The following EN2 variants were observed in gnomAD, a reference collection of about 807,000 sequenced individuals.
The protein encoded by EN2 is engrailed homeobox 2.
Under a neutral mutation model 25.0 loss-of-function variants are expected in EN2, and 7 were observed. That is an observed-to-expected ratio of 0.28 (90% confidence interval 0.16 to 0.53). The LOEUF (loss-of-function observed/expected upper bound fraction) is 0.53, where lower values mean the gene tolerates loss of function less well. EN2 is among the 20% of genes least tolerant of loss of function. The probability of loss-of-function intolerance (pLI) is 0.96; values close to 1 mark genes in which losing one functional copy is unlikely to be tolerated. For missense variants in EN2, 524 were observed against 501.8 expected, an observed-to-expected ratio of 1.04 and a Z score of -0.42; for synonymous variants, 277 against 243.3, an observed-to-expected ratio of 1.14 and a Z score of -1.29.
At position 155,458,583 on chromosome 7, in the gene EN2, T is replaced by C; in HGVS notation, c.206T>C (p.Phe69Ser). The change falls in exon 1 of 2, where the codon TTC (phenylalanine) becomes TCC (serine). Residue 69 changes from phenylalanine to serine, a missense_variant. Transcript: ENST00000297375. Reference sequence around the variant, plus strand: ...CAGCACCCGCACCGCATCACCAACTTCTTCATCGACAACATCCTGCGGCCC... The same window carrying C: ...CAGCACCCGCACCGCATCACCAACTCCTTCATCGACAACATCCTGCGGCCC... ...NHQHPHRITN[F>S]FIDNILRPEF... 6.8e-7 allele frequency: 1 copy of C among 1,476,198 alleles called. No homozygotes were observed. The highest frequency in any genetic ancestry group is 9.0e-7 in the Non-Finnish European group (1 of 1,110,882). 91.4% of individuals were successfully genotyped at this position (1,476,198 alleles called of 1,614,324 possible). A position where few individuals can be genotyped will look rare whatever the true frequency, so the allele number is the denominator to read the frequency against.
chr7:155,463,664 G>T lies in EN2; in HGVS notation c.*977G>T, dbSNP rs1426991721. On this transcript the variant is annotated 3_prime_UTR_variant, in exon 2 of 2. Transcript: ENST00000297375. ...ATGCAGAAGCGCTTCGAGGTTCTGGGGCTAAAGGCCTGGGGTGTGTGGCCT... is the reference window on the plus strand; with the variant it reads ...ATGCAGAAGCGCTTCGAGGTTCTGGTGCTAAAGGCCTGGGGTGTGTGGCCT... 1 of 152,222 alleles carries T rather than the reference G, an allele frequency of 6.6e-6. No individual in the cohort carries two copies. Among genetic ancestry groups the T allele is most frequent in the African/African-American group, 2.4e-5 (1 of 41,430 alleles). 9.4% of individuals were successfully genotyped at this position (152,222 alleles called of 1,614,324 possible).
At chr7:155,462,334 G>A (rs1795705907) in intron 1 of EN2, 37 bp from the exon 2 acceptor site, 9 of 1,568,600 alleles carry the variant, frequency 5.7e-6, no homozygotes, top group Non-Finnish European at 7.8e-6. Context: ...ACACCTCTGG[G>A]TAACCTGACT....
intron 1 of EN2, among the ~76,000 whole-genome samples, chr7:155,461,986 C>A (rs558172337): frequency 2.0e-5 from 3 of 152,344 alleles, no homozygotes; most frequent in Admixed American, 2.0e-4. Context: ...CTCCTCCCCT[C>A]TCTCTCAGCA....
At position 155,460,054 on chromosome 7, in the gene EN2, G is replaced by A. The variant is rs115388397; in HGVS notation, c.685+992G>A. Among the ~76,000 whole-genome samples, 537 of 152,294 alleles carry A rather than the reference G, an allele frequency of 3.5e-3. 2 individuals are homozygous for A. Among genetic ancestry groups the A allele is most frequent in the African/African-American group, 0.012 (501 of 41,566 alleles). ...GCCCCCAAACCCTCAACTATTTTGC[G>A]GGGGTCATTTGCCCAGATCACAGCA... On this transcript the variant is annotated intron_variant, in intron 1 of 1. Transcript: ENST00000297375.
Position 155,462,959 on chromosome 7 carries a change from G to T in EN2, c.*272G>T. 1 of 312,070 alleles carries T rather than the reference G, an allele frequency of 3.2e-6. No homozygotes were observed. The highest frequency in any genetic ancestry group is 9.0e-5 in the South Asian group (1 of 11,082). 19.3% of individuals were successfully genotyped at this position (312,070 alleles called of 1,614,324 possible). ...TTTTTTGCGAAGGGGGCTGCTTAGGGTTTCACCTTTTTTTAATCCCCTAAG... is the reference window on the plus strand; with the variant it reads ...TTTTTTGCGAAGGGGGCTGCTTAGGTTTTCACCTTTTTTTAATCCCCTAAG... On this transcript the variant is annotated 3_prime_UTR_variant, in exon 2 of 2. Coordinates refer to ENST00000297375, the MANE Select transcript of EN2 (RefSeq NM_001427.4).
chr7:155,460,742 C>A (rs921183836), intron 1 of EN2, among the ~76,000 whole-genome samples: 25 of 152,108 alleles, frequency 1.6e-4, no homozygotes, highest in African/African-American at 5.6e-4. Context: ...GAGGGCCAAC[C>A]CCATCTCCAA....
chr7:155,462,139 G>T lies in EN2; in HGVS notation c.686-232G>T, dbSNP rs577914491. On this transcript the variant is annotated intron_variant, in intron 1 of 1. Coordinates refer to ENST00000297375, the MANE Select transcript of EN2 (RefSeq NM_001427.4). The stretch of plus-strand genomic sequence containing the variant: ...TCATTTGTGGTCAGCCTGCCCACTA[G>T]GCCTGCCCCATAGTCCCACTTACAT... 5.1e-4 allele frequency among the ~76,000 whole-genome samples: 78 copies of T among 152,292 alleles called. 1 individual carries two copies. Among genetic ancestry groups the T allele is most frequent in the Non-Finnish European group, 9.0e-4 (61 of 68,012 alleles).
Position 155,462,471 on chromosome 7 carries a change from G to A in EN2, c.786G>A (p.Glu262=). ...TAEQLQRLKA[E]FQTNRYLTEQ... The stretch of plus-strand genomic sequence containing the variant: ...AGCAGCTGCAGAGGCTCAAGGCCGA[G>A]TTCCAGACCAACAGGTACCTGACGG... The change falls in exon 2 of 2, where the codon GAG becomes GAA. Residue 262 remains glutamate, a synonymous_variant. Transcript: ENST00000297375. 1 of 1,614,218 alleles carries A rather than the reference G, an allele frequency of 6.2e-7. No individual in the cohort carries two copies. The highest frequency in any genetic ancestry group is 8.5e-7 in the Non-Finnish European group (1 of 1,180,052).
intron 1 of EN2, among the ~76,000 whole-genome samples, chr7:155,459,979 C>T (rs1235169881): frequency 1.3e-5 from 2 of 152,218 alleles, no homozygotes; most frequent in Admixed American, 1.3e-4. Context: ...GGCTGGGAAC[C>T]GCCATTAGAA....
At chr7:155,460,232 G>A (rs1795679250) in intron 1 of EN2, among the ~76,000 whole-genome samples, 2 of 152,194 alleles carry the variant, frequency 1.3e-5, no homozygotes, top group African/African-American at 2.4e-5. Context: ...TCACAATGCC[G>A]GGCGAGGAGA....
intron 1 of EN2, among the ~76,000 whole-genome samples, chr7:155,461,463 G>A (rs2116602311): frequency 6.6e-6 from 1 of 152,326 alleles, no homozygotes; most frequent in South Asian, 2.1e-4. Context: ...AAAACCTGGG[G>A]CAGGTCCACA....
intron 1 of EN2, among the ~76,000 whole-genome samples, chr7:155,461,715 C>A (rs1795698728): frequency 6.6e-6 from 1 of 152,150 alleles, no homozygotes; most frequent in Non-Finnish European, 1.5e-5. Context: ...TAGCTCAGTG[C>A]CCCTCCCCAC....
chr7:155,458,722 G>A lies in EN2; in HGVS notation c.345G>A (p.Ala115=). The change falls in exon 1 of 2, where the codon GCG becomes GCA. Residue 115 remains alanine (A), a synonymous_variant. Transcript: ENST00000297375. ...GASGAEGGGG[A]GGSEQLLGSG... ...GCGGTGCGGAGGGAGGCGGCGGCGC[G>A]GGCGGCTCGGAGCAGCTCTTGGGCT... The A allele has an allele frequency of 7.5e-7, 1 of 1,329,408 alleles. No homozygotes were observed. Among genetic ancestry groups the A allele is most frequent in the Non-Finnish European group, 9.6e-7 (1 of 1,046,566 alleles). The allele number at this position is 1,329,408 out of a possible 1,614,324, so 82.4% of individuals were successfully genotyped here. A position where few individuals can be genotyped will look rare whatever the true frequency, so the allele number is the denominator to read the frequency against.
At chr7:155,460,874 A>G (rs1473544091) in intron 1 of EN2, among the ~76,000 whole-genome samples, 2 of 152,198 alleles carry the variant, frequency 1.3e-5, no homozygotes, top group Admixed American at 6.5e-5. Context: ...GTGTGCTCTC[A>G]TGGGTGGTGA....
intron 1 of EN2, 118 bp downstream of exon 1, chr7:155,459,180 C>A (rs1234207739): frequency 7.2e-6 from 8 of 1,116,552 alleles, no homozygotes; most frequent in Middle Eastern, 2.8e-4. Flanking sequence ...CCCGCGCACA[C>A]GCACAAAGAC....
chr7:155,460,998 A>C (rs1488584079), intron 1 of EN2, among the ~76,000 whole-genome samples: 1 of 152,166 alleles, frequency 6.6e-6, no homozygotes, highest in African/African-American at 2.4e-5. Flanking sequence ...CTTGGCCATG[A>C]GGGAGTGCTT....
In EN2 at chr7:155,458,184, G is replaced by T; in HGVS notation, c.-194G>T. The T allele has an allele frequency of 1.6e-6, 1 of 612,918 alleles. No individual in the cohort carries two copies. Among genetic ancestry groups the T allele is most frequent in the South Asian group, 9.0e-5 (1 of 11,136 alleles). The allele number at this position is 612,918 out of a possible 1,614,324, so 38.0% of individuals were successfully genotyped here. ...CGTGGTGTTTCTAACCCAGTTCGTGGATTCAAAGGTGGCTCCGCGCCGAGC... is the reference window on the plus strand; with the variant it reads ...CGTGGTGTTTCTAACCCAGTTCGTGTATTCAAAGGTGGCTCCGCGCCGAGC... On this transcript the variant is annotated 5_prime_UTR_variant, in exon 1 of 2. Coordinates refer to ENST00000297375, the MANE Select transcript of EN2 (RefSeq NM_001427.4).
rs1795713321 is a variant in EN2, at chr7:155,462,911, T to A, written c.*224T>A. On this transcript the variant is annotated 3_prime_UTR_variant, in exon 2 of 2. Coordinates refer to ENST00000297375, the MANE Select transcript of EN2 (RefSeq NM_001427.4). ...TGAGTTTTTTGTGTTTATGAGATTA[T>A]GCTAATTTTATGGGTTTTTTTCTTT... The A allele has an allele frequency of 1.9e-6, 1 of 519,700 alleles. No individual in the cohort carries two copies. Among genetic ancestry groups the A allele is most frequent in the Admixed American group, 4.1e-5 (1 of 24,300 alleles). 32.2% of individuals were successfully genotyped at this position (519,700 alleles called of 1,614,324 possible).
In EN2 at chr7:155,462,850, A is replaced by G. The variant is rs954649049; in HGVS notation, c.*163A>G. The G allele has an allele frequency of 7.1e-6, 6 of 842,246 alleles. No individual in the cohort carries two copies. Among genetic ancestry groups the G allele is most frequent in the Non-Finnish European group, 6.7e-6 (4 of 600,292 alleles). 52.2% of individuals were successfully genotyped at this position (842,246 alleles called of 1,614,324 possible). On this transcript the variant is annotated 3_prime_UTR_variant, in exon 2 of 2. Coordinates refer to ENST00000297375, the MANE Select transcript of EN2 (RefSeq NM_001427.4). ...TATGTATATATCATTTACAGGTGGT[A>G]TAAAATCCAAAATATCTGACTATAA...
Sources: allele counts gnomAD v4.1 joint callset (sites outside exome capture counted in the v4.1 genomes callset), GRCh38; gene constraint gnomAD v4.1.1; transcripts MANE v1.5; gene names NCBI Gene and HGNC (gene_info 2026-07-23, HGNC 2026-07-21).